Variants in INPP4B observed in about 807,000 individuals in gnomAD.
The protein encoded by INPP4B is inositol polyphosphate-4-phosphatase type II B.
A neutral mutation model predicts 122.5 loss-of-function variants in INPP4B; 55 were observed. The ratio of observed to expected loss-of-function variants is 0.45; its 90% CI spans 0.36 to 0.56. The LOEUF (loss-of-function observed/expected upper bound fraction) is 0.56, where lower values mean the gene tolerates loss of function less well. INPP4B is among the 20% of genes least tolerant of loss of function. The pLI is 0.00. For synonymous variants in INPP4B, 403 were observed against 388.7 expected, an observed-to-expected ratio of 1.04 and a Z score of -0.43; for missense variants, 1,000 against 1,097.7, an observed-to-expected ratio of 0.91 and a Z score of 1.26.
At chr4:142,830,695 T>C (rs961359337) in intron 1 of INPP4B, among the ~76,000 whole-genome samples, 133 of 152,012 alleles carry the variant, frequency 8.7e-4, no homozygotes, top group African/African-American at 2.8e-3. Context: ...TTAGTTTACC[T>C]ATGCAGAAAG....
At chr4:142,496,133 CAGA>C (rs373639659) in intron 2 of INPP4B, among the ~76,000 whole-genome samples, 4 of 152,218 alleles carry the variant, frequency 2.6e-5, no homozygotes, top group African/African-American at 9.6e-5. Context: ...TACTTTGAAG[CAGA>C]AGTTTAGTTT....
intron 2 of INPP4B, among the ~76,000 whole-genome samples, chr4:142,578,967 A>G (rs1397972783): frequency 6.6e-6 from 1 of 152,068 alleles, no homozygotes; most frequent in Non-Finnish European, 1.5e-5. Context: ...GTAACTAAAA[A>G]GTGAATATGT....
intron 2 of INPP4B, among the ~76,000 whole-genome samples, chr4:142,675,164 A>C (rs2150652773): frequency 6.6e-6 from 1 of 152,192 alleles, no homozygotes; most frequent in Non-Finnish European, 1.5e-5. Context: ...TGATAAAGGT[A>C]ATATCACCAC....
chr4:142,069,437 GCAAACACATT>G (rs1304197446), intron 25 of INPP4B, among the ~76,000 whole-genome samples: 3 of 152,162 alleles, frequency 2.0e-5, no homozygotes, highest in African/African-American at 7.2e-5. Flanking sequence ...AGAAGCAAGA[GCAAACACATT>G]CAAAAGCTAG....
chr4:142,647,017 C>A (rs1411760278), intron 2 of INPP4B, among the ~76,000 whole-genome samples: 3 of 152,114 alleles, frequency 2.0e-5, no homozygotes, highest in Non-Finnish European at 4.4e-5. Flanking sequence ...GTAATTATAA[C>A]TTTACTGGTG....
intron 1 of INPP4B, among the ~76,000 whole-genome samples, chr4:142,817,576 A>G (rs1393419491): frequency 6.6e-6 from 1 of 152,084 alleles, no homozygotes; most frequent in Non-Finnish European, 1.5e-5. Flanking sequence ...GGTGACGATA[A>G]TGCCTTGGCC....
At chr4:142,284,374 A>T (rs1752565667) in intron 9 of INPP4B, among the ~76,000 whole-genome samples, 1 of 152,184 alleles carries the variant, frequency 6.6e-6, no homozygotes, top group Non-Finnish European at 1.5e-5. Context: ...ATAGAATCTA[A>T]AACACTAGAC....
At position 142,145,890 on chromosome 4, in the gene INPP4B, T is replaced by C; in HGVS notation, c.1670A>G (p.Asp557Gly). 2 of 1,613,916 alleles carry C rather than the reference T, an allele frequency of 1.2e-6. No individual in the cohort carries two copies. Among genetic ancestry groups the C allele is most frequent in the Non-Finnish European group, 1.7e-6 (2 of 1,179,818 alleles). Residue 557 changes from aspartate to glycine, a missense_variant, in exon 18 of 26, where the codon GAT becomes GGT. Coordinates refer to ENST00000262992, the MANE Select transcript of INPP4B (RefSeq NM_001101669.3). ...GGSEGSGGNN[D>G]GEKEPSLTDA... Reference sequence around the variant, plus strand: ...TGTTAATGAAGGTTCCTTTTCTCCATCATTGTTGCCGCCACTGCCTTCACT... The same window carrying C: ...TGTTAATGAAGGTTCCTTTTCTCCACCATTGTTGCCGCCACTGCCTTCACT...
At chr4:142,639,005 A>C (rs1202435768) in intron 2 of INPP4B, among the ~76,000 whole-genome samples, 2 of 152,106 alleles carry the variant, frequency 1.3e-5, no homozygotes, top group Admixed American at 6.6e-5. Flanking sequence ...AGTTTAGTCA[A>C]ATTTTTTTGT....
intron 2 of INPP4B, among the ~76,000 whole-genome samples, chr4:142,553,300 A>G (rs933286310): frequency 3.9e-5 from 6 of 152,148 alleles, no homozygotes; most frequent in Non-Finnish European, 8.8e-5. Flanking sequence ...CTCTTTTGAA[A>G]CCTAGACTTA....
intron 2 of INPP4B, among the ~76,000 whole-genome samples, chr4:142,513,348 T>C (rs896254046): frequency 4.6e-5 from 7 of 151,800 alleles, no homozygotes; most frequent in Non-Finnish European, 7.4e-5. Flanking sequence ...AGATTTGGTG[T>C]CTGGTAAACT....
chr4:142,183,432 A>C (rs567898241), intron 15 of INPP4B, among the ~76,000 whole-genome samples: 1 of 152,296 alleles, frequency 6.6e-6, no homozygotes, highest in South Asian at 2.1e-4. Context: ...AACACAGCCA[A>C]GTGTTTGATT....
chr4:142,759,583 G>A (rs1053372332), intron 1 of INPP4B, among the ~76,000 whole-genome samples: 2 of 151,840 alleles, frequency 1.3e-5, no homozygotes, highest in African/African-American at 4.8e-5. Flanking sequence ...TGTATGTGTT[G>A]CCTAATAACA....
At chr4:142,475,127 T>C (rs941453056) in intron 2 of INPP4B, among the ~76,000 whole-genome samples, 1 of 152,052 alleles carries the variant, frequency 6.6e-6, no homozygotes, top group Non-Finnish European at 1.5e-5. Context: ...GAGAGCCCCA[T>C]TGATCAGAAC....
chr4:142,166,964 T>C (rs1031130222), intron 16 of INPP4B, among the ~76,000 whole-genome samples: 1 of 151,738 alleles, frequency 6.6e-6, no homozygotes, highest in Admixed American at 6.6e-5. Context: ...GTTCAACCAT[T>C]ATGGAAGACA....
At chr4:142,623,578 A>T (rs1431065876) in intron 2 of INPP4B, among the ~76,000 whole-genome samples, 4 of 151,722 alleles carry the variant, frequency 2.6e-5, no homozygotes, top group Non-Finnish European at 4.4e-5. Flanking sequence ...AAATTTTATT[A>T]TTATTATACC....
chr4:142,535,509 G>A (rs970018395), intron 2 of INPP4B, among the ~76,000 whole-genome samples: 3 of 152,004 alleles, frequency 2.0e-5, no homozygotes, highest in Non-Finnish European at 4.4e-5. Context: ...GCTTGGCCAC[G>A]GTTGCTATTC....
intron 7 of INPP4B, chr4:142,383,895 T>C (rs532338904): frequency 1.8e-6 from 1 of 559,868 alleles, no homozygotes; most frequent in South Asian, 2.6e-5. Flanking sequence ...TGTGAGCTTA[T>C]TATTCATGTG....
At chr4:142,116,107 G>A (rs191963167) in intron 21 of INPP4B, among the ~76,000 whole-genome samples, 1 of 152,270 alleles carries the variant, frequency 6.6e-6, no homozygotes, top group East Asian at 1.9e-4. Context: ...AACACGAAGA[G>A]CTAAGTATCC....
Sources: gnomAD v4.1 joint callset for allele counts (sites outside exome capture counted in the v4.1 genomes callset) on GRCh38, gnomAD v4.1.1 for gene constraint, MANE v1.5 for transcripts, NCBI Gene and HGNC (gene_info 2026-07-23, HGNC 2026-07-21) for gene names.